The following EVA1A variants were observed in gnomAD, a reference collection of about 807,000 sequenced individuals.
EVA1A encodes eva-1 homolog A, regulator of programmed cell death.
EVA1A carries 7 observed loss-of-function variants against 9.8 expected under a neutral mutation model. That is an observed-to-expected ratio of 0.71 (90% confidence interval 0.41 to 1.34). The LOEUF (loss-of-function observed/expected upper bound fraction) is 1.34. EVA1A is among the 40% of genes most tolerant of loss of function. The pLI is 0.01. For missense variants in EVA1A, 206 were observed against 205.9 expected (o/e 1.00, Z 0.00); for synonymous variants, 90 against 85.6 (o/e 1.05, Z -0.28).
intron 1 of EVA1A, among the ~76,000 whole-genome samples, chr2:75,546,605 T>C (rs553014321): frequency 2.7e-4 from 41 of 152,080 alleles, no homozygotes; most frequent in Non-Finnish European, 5.3e-4. Flanking sequence ...AGGAACTGAA[T>C]TGAGATCCAC....
At chr2:75,504,540 C>T (rs1042934067) in intron 3 of EVA1A, among the ~76,000 whole-genome samples, 6 of 152,226 alleles carry the variant, frequency 3.9e-5, no homozygotes, top group African/African-American at 1.4e-4. Context: ...CCTTTTCCTT[C>T]CATCTCTGAC....
chr2:75,554,650 T>C (rs1301222585), intron 1 of EVA1A, among the ~76,000 whole-genome samples: 1 of 152,310 alleles, frequency 6.6e-6, no homozygotes, highest in East Asian at 1.9e-4. Context: ...GGTGTGACCC[T>C]GATTCCTCCT....
At chr2:75,533,472 T>A (rs1207045955) in intron 1 of EVA1A, among the ~76,000 whole-genome samples, 1 of 152,128 alleles carries the variant, frequency 6.6e-6, no homozygotes, top group East Asian at 1.9e-4. Context: ...CAAAAAGAAT[T>A]ACTAAAGTCC....
chr2:75,528,496 G>A (rs939053966), intron 1 of EVA1A, among the ~76,000 whole-genome samples: 12 of 152,226 alleles, frequency 7.9e-5, no homozygotes, highest in Admixed American at 5.2e-4. Flanking sequence ...TGTCACTGCC[G>A]GCTTTCCCCG....
At chr2:75,526,387 AT>A (rs1675438166) in intron 1 of EVA1A, among the ~76,000 whole-genome samples, 1 of 152,222 alleles carries the variant, frequency 6.6e-6, no homozygotes, top group Non-Finnish European at 1.5e-5. Flanking sequence ...ATAAGGAATT[AT>A]ACTAATAGTC....
chr2:75,555,730 A>G (rs1676688263), intron 1 of EVA1A, among the ~76,000 whole-genome samples: 1 of 152,150 alleles, frequency 6.6e-6, no homozygotes, highest in South Asian at 2.1e-4. Context: ...AGACTCCTGC[A>G]CTGGTAAAAT....
intron 1 of EVA1A, among the ~76,000 whole-genome samples, chr2:75,544,093 G>T (rs1176398872): frequency 6.6e-6 from 1 of 152,158 alleles, no homozygotes; most frequent in Non-Finnish European, 1.5e-5. Flanking sequence ...CAGAATAAAG[G>T]TTCTCCTGCC....
intron 1 of EVA1A, among the ~76,000 whole-genome samples, chr2:75,551,697 T>TCAGCG (rs768935570): frequency 7.9e-5 from 12 of 152,346 alleles, no homozygotes; most frequent in South Asian, 2.1e-4. Context: ...CTAGGTTTAC[T>TCAGCG]CAGCTGTAAA....
chr2:75,550,471 C>G (rs1036521821), intron 1 of EVA1A, among the ~76,000 whole-genome samples: 3 of 152,188 alleles, frequency 2.0e-5, no homozygotes, highest in Non-Finnish European at 4.4e-5. Context: ...AGTATCTACA[C>G]AGCAGATGCC....
At chr2:75,562,716 C>T (rs1218534000), upstream of EVA1A, among the ~76,000 whole-genome samples, 2 of 152,246 alleles carry the variant, frequency 1.3e-5, no homozygotes, top group African/African-American at 4.8e-5. Flanking sequence ...CCCCCTAACT[C>T]TCCAGCTTTC....
chr2:75,510,597 C>T (rs933335494), intron 3 of EVA1A, among the ~76,000 whole-genome samples: 3 of 152,216 alleles, frequency 2.0e-5, no homozygotes, highest in East Asian at 1.9e-4. Flanking sequence ...CATAACTGTA[C>T]TTGCAGTTAC....
Position 75,566,146 on chromosome 2 carries a change from A to G in EVA1A, c.-192+3330T>C, listed in dbSNP as rs116643541. On this transcript the variant is annotated intron_variant, in intron 1 of 3. Transcript: ENST00000233712. ...ACAGCCTGCTGAAATGAAACTAGTC[A>G]TTTGATAGTATTAGCTACTAACATC... 3.9e-3 allele frequency among the ~76,000 whole-genome samples: 594 copies of G among 152,356 alleles called. 1 individual carries two copies. The highest frequency in any genetic ancestry group is 0.014 in the African/African-American group (571 of 41,592).
At chr2:75,512,602 G>C (rs1456004472) in intron 3 of EVA1A, among the ~76,000 whole-genome samples, 2 of 152,196 alleles carry the variant, frequency 1.3e-5, no homozygotes, top group African/African-American at 2.4e-5. Flanking sequence ...GCATGGAGTA[G>C]TAAAGGTCAG....
chr2:75,555,301 A>ATCTCTCTC (rs58092436), intron 1 of EVA1A, among the ~76,000 whole-genome samples: 1,315 of 57,108 alleles, frequency 0.023, 71 homozygotes, highest in African/African-American at 0.033. Context: ...TCAAAACTCA[A>ATCTCTCTC]TCTCTCTCTC....
At chr2:75,555,641 A>G (rs1056837970) in intron 1 of EVA1A, among the ~76,000 whole-genome samples, 2 of 152,130 alleles carry the variant, frequency 1.3e-5, no homozygotes, top group Non-Finnish European at 2.9e-5. Context: ...CAGAGATAAG[A>G]GGCAGAGCCC....
At chr2:75,557,349 G>A (rs1266316616) in intron 1 of EVA1A, among the ~76,000 whole-genome samples, 1 of 152,208 alleles carries the variant, frequency 6.6e-6, no homozygotes, top group Admixed American at 6.5e-5. Context: ...AACTTACCCA[G>A]AGGGTAAGTG....
At chr2:75,534,730 C>T (rs183629708) in intron 1 of EVA1A, among the ~76,000 whole-genome samples, 300 of 152,190 alleles carry the variant, frequency 2.0e-3, no homozygotes, top group Non-Finnish European at 3.9e-3. Context: ...GTTAATATTT[C>T]TTTTTTTCTG....
chr2:75,527,423 C>T lies in EVA1A; in HGVS notation c.-191-4936G>A, dbSNP rs150193814. Reference sequence around the variant, plus strand: ...TAGAAATAACTAGATCCTCCTCCCCCTCCCCCTCTCCACTGGGGTGTCAGA... The same window carrying T: ...TAGAAATAACTAGATCCTCCTCCCCTTCCCCCTCTCCACTGGGGTGTCAGA... On this transcript the variant is annotated intron_variant, in intron 1 of 3. Transcript: ENST00000393913. Among the ~76,000 whole-genome samples the T allele has an allele frequency of 4.6e-5, 7 of 152,268 alleles. No homozygotes were observed. The East Asian group carries it at 9.7e-4, about 21-fold the overall frequency.
At chr2:75,534,038 T>C (rs999099837) in intron 1 of EVA1A, among the ~76,000 whole-genome samples, 1 of 151,916 alleles carries the variant, frequency 6.6e-6, no homozygotes, top group Non-Finnish European at 1.5e-5. Context: ...GGTCTCGATC[T>C]CCTGACTTCG....
Sources: allele counts gnomAD v4.1 joint callset (sites outside exome capture counted in the v4.1 genomes callset), GRCh38; gene constraint gnomAD v4.1.1; transcripts MANE v1.5; gene names NCBI Gene and HGNC (gene_info 2026-07-23, HGNC 2026-07-21).